SAMMSON: variants seen among roughly 807,000 people sequenced by gnomAD.
SAMMSON encodes survival associated mitochondrial melanoma specific oncogenic non-coding RNA.
intron 9 of SAMMSON, among the ~76,000 whole-genome samples, chr3:70,373,704 G>A (rs1393944035): frequency 2.0e-5 from 3 of 152,036 alleles, no homozygotes; most frequent in African/African-American, 4.8e-5. Context: ...CTTCAAGTTC[G>A]ATTATTATTT....
At chr3:70,201,318 C>A (rs1453613846) in intron 4 of SAMMSON, among the ~76,000 whole-genome samples, 1 of 152,058 alleles carries the variant, frequency 6.6e-6, no homozygotes, top group African/African-American at 2.4e-5. Flanking sequence ...TGTTTCTGTG[C>A]TAGTTTGCTA....
chr3:70,032,449 A>T (rs981953322), intron 3 of SAMMSON, among the ~76,000 whole-genome samples: 1 of 152,196 alleles, frequency 6.6e-6, no homozygotes, highest in Non-Finnish European at 1.5e-5. Flanking sequence ...AGCCTAGAGG[A>T]TTTTGCTTTC....
intron 9 of SAMMSON, among the ~76,000 whole-genome samples, chr3:70,371,759 T>G (rs1702972160): frequency 6.6e-6 from 1 of 152,158 alleles, no homozygotes; most frequent in Admixed American, 6.6e-5. Flanking sequence ...TTTCTACATA[T>G]AAGTTCATGT....
intron 4 of SAMMSON, among the ~76,000 whole-genome samples, chr3:70,139,572 C>A (rs1159650211): frequency 6.6e-6 from 1 of 152,136 alleles, no homozygotes; most frequent in Non-Finnish European, 1.5e-5. Flanking sequence ...GGCAGCCATG[C>A]CTCTACAGCT....
chr3:70,150,112 T>C (rs995118949), intron 4 of SAMMSON, among the ~76,000 whole-genome samples: 1 of 152,128 alleles, frequency 6.6e-6, no homozygotes, highest in African/African-American at 2.4e-5. Flanking sequence ...TCTCAGTTGG[T>C]TGCCATAATA....
chr3:70,394,416 A>G (rs1001243645), downstream of SAMMSON, among the ~76,000 whole-genome samples: 1 of 152,102 alleles, frequency 6.6e-6, no homozygotes, highest in Non-Finnish European at 1.5e-5. Context: ...GTTTGTCCCT[A>G]TATGCACTTA....
chr3:70,116,299 T>C (rs1024068739), intron 4 of SAMMSON, among the ~76,000 whole-genome samples: 1 of 150,910 alleles, frequency 6.6e-6, no homozygotes, highest in Non-Finnish European at 1.5e-5. Context: ...TTTCTTTTTT[T>C]TTTTTTTTTT....
chr3:70,166,620 A>G (rs1363628274), intron 4 of SAMMSON, among the ~76,000 whole-genome samples: 1 of 151,936 alleles, frequency 6.6e-6, no homozygotes, highest in East Asian at 1.9e-4. Context: ...GTAGAGGTAG[A>G]GGGTGATTTA....
chr3:70,008,518 T>C, intron 1 of SAMMSON, among the ~76,000 whole-genome samples: 1 of 152,246 alleles, frequency 6.6e-6, no homozygotes, highest in Non-Finnish European at 1.5e-5. Context: ...AAGTTGCCTA[T>C]CAGCTTAAGG....
At chr3:70,001,103 G>C (rs1173523913) in intron 1 of SAMMSON, among the ~76,000 whole-genome samples, 1 of 151,688 alleles carries the variant, frequency 6.6e-6, no homozygotes, top group Non-Finnish European at 1.5e-5. Context: ...TTAGGGAAGA[G>C]GGGTGATGTG....
chr3:70,283,864 T>C (rs1199090954), intron 6 of SAMMSON: 3 of 152,098 alleles, frequency 2.0e-5, no homozygotes, highest in Non-Finnish European at 2.9e-5. Context: ...ACATAATGTA[T>C]TTTTAAGAGA....
At chr3:70,418,586 G>C (rs1305807414) in intron 2 of SAMMSON, among the ~76,000 whole-genome samples, 2 of 152,122 alleles carry the variant, frequency 1.3e-5, no homozygotes, top group Non-Finnish European at 2.9e-5. Flanking sequence ...TCTCCCATTA[G>C]ACACTACAAT....
At chr3:70,227,009 G>A (rs1305944828) in intron 4 of SAMMSON, among the ~76,000 whole-genome samples, 2 of 151,974 alleles carry the variant, frequency 1.3e-5, no homozygotes, top group Non-Finnish European at 2.9e-5. Context: ...GATGGACCTC[G>A]AAAAAATACA....
intron 4 of SAMMSON, among the ~76,000 whole-genome samples, chr3:70,113,164 T>C (rs1180294330): frequency 6.6e-6 from 1 of 152,216 alleles, no homozygotes; most frequent in Non-Finnish European, 1.5e-5. Flanking sequence ...GCATATGGTA[T>C]AGTTATTTTA....
chr3:70,353,132 G>A (rs1156765101), intron 7 of SAMMSON, among the ~76,000 whole-genome samples: 2 of 151,390 alleles, frequency 1.3e-5, no homozygotes. Context: ...TTTAAAACTG[G>A]GCAAAAAATC....
At chr3:70,290,672 T>C (rs952234293) in intron 6 of SAMMSON, among the ~76,000 whole-genome samples, 1 of 152,136 alleles carries the variant, frequency 6.6e-6, no homozygotes, top group African/African-American at 2.4e-5. Flanking sequence ...GCTGCCGCCT[T>C]GCAGTTTGAT....
intron 2 of SAMMSON, among the ~76,000 whole-genome samples, chr3:70,429,695 T>C (rs1033466437): frequency 6.6e-6 from 1 of 152,182 alleles, no homozygotes; most frequent in Non-Finnish European, 1.5e-5. Flanking sequence ...CCCTTGGAAG[T>C]TGGATTCCTA....
intron 6 of SAMMSON, among the ~76,000 whole-genome samples, chr3:70,273,851 G>A (rs1355868272): frequency 1.3e-5 from 2 of 152,082 alleles, no homozygotes; most frequent in Non-Finnish European, 2.9e-5. Context: ...TGCCTAGGCT[G>A]GAGTGCAGTG....
At chr3:70,281,138 G>A (rs534738663) in intron 6 of SAMMSON, among the ~76,000 whole-genome samples, 2 of 152,116 alleles carry the variant, frequency 1.3e-5, no homozygotes, top group South Asian at 4.1e-4. Flanking sequence ...ATGTTTCAGA[G>A]GGTAAAGAGG....
Sources: gnomAD v4.1 joint callset for allele counts (sites outside exome capture counted in the v4.1 genomes callset) on GRCh38, gnomAD v4.1.1 for gene constraint, MANE v1.5 for transcripts, NCBI Gene and HGNC (gene_info 2026-07-23, HGNC 2026-07-21) for gene names.